Variants in PTPRD observed in about 807,000 individuals in gnomAD.
PTPRD encodes the protein protein tyrosine phosphatase receptor type D, also known as receptor-type tyrosine-protein phosphatase delta.
Under a neutral mutation model 214.5 loss-of-function variants are expected in PTPRD, and 34 were observed. The observed-to-expected ratio is 0.16, with a 90% CI of 0.12 to 0.21. The LOEUF (loss-of-function observed/expected upper bound fraction) is 0.21. PTPRD is among the 10% of genes least tolerant of loss of function. The probability of loss-of-function intolerance (pLI) is 1.00; values close to 1 mark genes in which losing one functional copy is unlikely to be tolerated. For missense variants in PTPRD, 2,545 were observed against 2,398.7 expected (o/e 1.06, Z -1.27); for synonymous variants, 1,128 against 845.7 (o/e 1.33, Z -5.79).
chr9:9,727,491 T>A (rs982893163), intron 7 of PTPRD, among the ~76,000 whole-genome samples: 15 of 152,128 alleles, frequency 9.9e-5, no homozygotes, highest in Non-Finnish European at 2.1e-4. Flanking sequence ...AAAGCATTCA[T>A]AAATATTTTA....
At chr9:9,778,621 AG>A (rs749911649) in intron 5 of PTPRD, among the ~76,000 whole-genome samples, 18 of 152,166 alleles carry the variant, frequency 1.2e-4, no homozygotes, top group Non-Finnish European at 1.2e-4. Context: ...GCCCCCTCCT[AG>A]GGGCCACGCA....
chr9:8,859,078 C>T (rs1274806769), intron 11 of PTPRD, among the ~76,000 whole-genome samples: 2 of 152,202 alleles, frequency 1.3e-5, no homozygotes, highest in Non-Finnish European at 2.9e-5. Context: ...AGTTTGTGTC[C>T]GCCCCAGTTC....
chr9:8,379,922 C>T (rs893098841), intron 37 of PTPRD, among the ~76,000 whole-genome samples: 5 of 152,046 alleles, frequency 3.3e-5, no homozygotes, highest in East Asian at 3.9e-4. Context: ...AAAGTCTGGC[C>T]GCCTCATCTG....
At chr9:10,589,947 A>G (rs1392326044) in intron 2 of PTPRD, among the ~76,000 whole-genome samples, 1 of 152,104 alleles carries the variant, frequency 6.6e-6, no homozygotes, top group African/African-American at 2.4e-5. Context: ...ATTACTATTA[A>G]TATGACTCCA....
chr9:9,633,486 C>T (rs2095658283), intron 7 of PTPRD, among the ~76,000 whole-genome samples: 1 of 151,570 alleles, frequency 6.6e-6, no homozygotes, highest in Non-Finnish European at 1.5e-5. Context: ...CTTGCATTGC[C>T]ACTGCATATA....
rs1023219224 is a variant in PTPRD at position 10,333,900 on chromosome 9, A to T, written c.-545+7063T>A. On this transcript the variant is annotated intron_variant, in intron 3 of 45. Coordinates refer to ENST00000381196, the MANE Select transcript of PTPRD (RefSeq NM_002839.4). The stretch of plus-strand genomic sequence containing the variant: ...TTGAACTAATAAATTAAATACAAGA[A>T]CATTTATACTTTCTGTTGTTGAAGA... Among the ~76,000 whole-genome samples the T allele has an allele frequency of 2.0e-5, 3 of 151,848 alleles. No individual in the cohort carries two copies. The South Asian group carries it at 6.2e-4, about 31-fold the overall frequency.
At chr9:9,885,218 T>C (rs896165653) in intron 5 of PTPRD, among the ~76,000 whole-genome samples, 1 of 151,946 alleles carries the variant, frequency 6.6e-6, no homozygotes, top group African/African-American at 2.4e-5. Context: ...TATTAATATA[T>C]TGAATAAAAA....
chr9:10,033,102 T>C lies in PTPRD; in HGVS notation c.-472+616A>G, dbSNP rs1019670489. Among the ~76,000 whole-genome samples the C allele has an allele frequency of 5.4e-4, 81 of 151,182 alleles. 1 individual carries two copies. The highest frequency in any genetic ancestry group is 4.3e-3 in the Admixed American group (65 of 15,216). On this transcript the variant is annotated intron_variant, in intron 4 of 45. Transcript: ENST00000381196. ...ATGTAAGTGTGTGTGTGTATGAGTG[T>C]GTTTCTGTACATGTACCTACAGAAA...
chr9:9,159,296 A>G (rs2099884228), intron 10 of PTPRD, among the ~76,000 whole-genome samples: 1 of 152,198 alleles, frequency 6.6e-6, no homozygotes, highest in Non-Finnish European at 1.5e-5. Flanking sequence ...ATAGAGAAAT[A>G]GCAAATAGAG....
intron 9 of PTPRD, among the ~76,000 whole-genome samples, chr9:9,276,176 C>A (rs1460228152): frequency 2.0e-5 from 3 of 151,244 alleles, no homozygotes; most frequent in Non-Finnish European, 3.0e-5. Context: ...TGGGGACATT[C>A]ATTTGAATGA....
At chr9:9,660,923 G>A (rs529939869) in intron 7 of PTPRD, among the ~76,000 whole-genome samples, 3 of 152,028 alleles carry the variant, frequency 2.0e-5, no homozygotes, top group Admixed American at 6.6e-5. Context: ...ATTGTGTCAC[G>A]TTTCAGCAGT....
chr9:8,523,369 G>C, intron 19 of PTPRD, 144 bp downstream of exon 19: 1 of 933,556 alleles, frequency 1.1e-6, no homozygotes, highest in Non-Finnish European at 1.6e-6. Context: ...AGCACCAGAA[G>C]CCATGGCCAG....
chr9:9,491,361 G>C (rs1025418909), intron 8 of PTPRD, among the ~76,000 whole-genome samples: 2 of 151,882 alleles, frequency 1.3e-5, no homozygotes, highest in Admixed American at 6.6e-5. Context: ...GACTTTAATA[G>C]TCAACTCTGA....
At chr9:10,390,779 T>G (rs1422370531) in intron 2 of PTPRD, among the ~76,000 whole-genome samples, 1 of 151,746 alleles carries the variant, frequency 6.6e-6, no homozygotes, top group Non-Finnish European at 1.5e-5. Flanking sequence ...CTTATCTGAT[T>G]TATTCATATG....
chr9:8,437,122 G>C, intron 34 of PTPRD: 3 of 1,023,462 alleles, frequency 2.9e-6, no homozygotes. Context: ...CAGACACTGA[G>C]AAAGGCCTAA....
At chr9:8,462,273 G>C (rs2096432977) in intron 32 of PTPRD, among the ~76,000 whole-genome samples, 1 of 151,856 alleles carries the variant, frequency 6.6e-6, no homozygotes, top group Non-Finnish European at 1.5e-5. Context: ...GAATAGAATG[G>C]AAACACTGAT....
intron 10 of PTPRD, among the ~76,000 whole-genome samples, chr9:9,112,049 C>T (rs751141792): frequency 6.6e-6 from 1 of 152,134 alleles, no homozygotes; most frequent in African/African-American, 2.4e-5. Flanking sequence ...TTGCTGTAAC[C>T]TCCTCTGCTT....
At chr9:9,146,894 C>T (rs867970141) in intron 10 of PTPRD, among the ~76,000 whole-genome samples, 3 of 152,078 alleles carry the variant, frequency 2.0e-5, no homozygotes, top group Admixed American at 6.5e-5. Context: ...TTTAGAACAA[C>T]AATAACTAAA....
At chr9:10,302,366 C>T (rs2095887942) in intron 3 of PTPRD, among the ~76,000 whole-genome samples, 1 of 152,004 alleles carries the variant, frequency 6.6e-6, no homozygotes, top group Admixed American at 6.6e-5. Flanking sequence ...AACTAATGGG[C>T]AAAATAACCA....
Sources: allele counts gnomAD v4.1 joint callset (sites outside exome capture counted in the v4.1 genomes callset), GRCh38; gene constraint gnomAD v4.1.1; transcripts MANE v1.5; gene names NCBI Gene and HGNC (gene_info 2026-07-23, HGNC 2026-07-21).